Variants in TP63 observed in about 807,000 individuals in gnomAD.
TP63 encodes tumor protein 63.
In TP63, 17 loss-of-function variants were observed where a neutral mutation model predicts 82.8. The observed-to-expected ratio is 0.21, with a 90% confidence interval of 0.14 to 0.31. The LOEUF (loss-of-function observed/expected upper bound fraction) is 0.31, where lower values mean the gene tolerates loss of function less well. Ranked by LOEUF, TP63 falls within the 10% of genes least tolerant of loss-of-function variation. The pLI is 1.00. For missense variants in TP63, 648 were observed against 895.3 expected, an observed-to-expected ratio of 0.72 and a Z score of 3.52; for synonymous variants, 330 against 321.7, an observed-to-expected ratio of 1.03 and a Z score of -0.28.
intron 3 of TP63, among the ~76,000 whole-genome samples, chr3:189,773,882 A>G (rs1723560927): frequency 2.0e-5 from 3 of 151,280 alleles, no homozygotes; most frequent in Admixed American, 1.3e-4. Context: ...TTAGGAGGTA[A>G]GAGAACACAT....
intron 4 of TP63, chr3:189,830,116 G>C (rs1317707877): frequency 1.6e-5 from 3 of 187,204 alleles, no homozygotes; most frequent in Non-Finnish European, 3.8e-5. Context: ...TTTGGTGAGA[G>C]AGCATTGGAC....
intron 1 of TP63, among the ~76,000 whole-genome samples, chr3:189,701,678 A>C (rs1379819130): frequency 6.6e-6 from 1 of 151,898 alleles, no homozygotes; most frequent in Non-Finnish European, 1.5e-5. Flanking sequence ...TCAAAAATTC[A>C]CATGGTCCAA....
intron 9 of TP63, among the ~76,000 whole-genome samples, chr3:189,869,664 A>G (rs1359239664): frequency 2.7e-5 from 4 of 150,504 alleles, no homozygotes; most frequent in Admixed American, 6.6e-5. Flanking sequence ...GCAAACTGCC[A>G]TTTTCTCCTT....
chr3:189,702,906 A>C (rs1460500416), intron 1 of TP63, among the ~76,000 whole-genome samples: 1 of 152,246 alleles, frequency 6.6e-6, no homozygotes, highest in Non-Finnish European at 1.5e-5. Context: ...TCACATCATT[A>C]ACAACAGGTT....
At chr3:189,761,980 TG>T (rs1722621009) in intron 3 of TP63, among the ~76,000 whole-genome samples, 1 of 152,174 alleles carries the variant, frequency 6.6e-6, no homozygotes, top group South Asian at 2.1e-4. Flanking sequence ...CCTGCTCCCA[TG>T]ATTTAATTAC....
At chr3:189,782,698 ACACAT>A (rs1470095542) in intron 3 of TP63, among the ~76,000 whole-genome samples, 1 of 152,162 alleles carries the variant, frequency 6.6e-6, no homozygotes, top group Non-Finnish European at 1.5e-5. Context: ...AAGAAACTAA[ACACAT>A]CACTATTCAA....
At chr3:189,882,058 AAAAAAATCTT>A (rs1286672827) in intron 10 of TP63, among the ~76,000 whole-genome samples, 1 of 152,046 alleles carries the variant, frequency 6.6e-6, no homozygotes, top group East Asian at 1.9e-4. Flanking sequence ...TATTTCAGAA[AAAAAAATCTT>A]TATATTTGAG....
At chr3:189,620,294 G>A in the TP63 span, among the ~76,000 whole-genome samples, 1 of 152,102 alleles carries the variant, frequency 6.6e-6, no homozygotes, top group East Asian at 1.9e-4. Flanking sequence ...GGAGGCCAAG[G>A]CGGGCAGACC....
At chr3:189,864,541 C>CTTTTT (rs10714778) in intron 5 of TP63, 123 bp downstream of exon 5, 16 of 215,484 alleles carry the variant, frequency 7.4e-5, no homozygotes, top group African/African-American at 1.9e-4. Context: ...ATCAGTCTGC[C>CTTTTT]TTTTTTTTTT....
chr3:189,795,426 T>C (rs1341820537), intron 3 of TP63, among the ~76,000 whole-genome samples: 1 of 151,926 alleles, frequency 6.6e-6, no homozygotes, highest in African/African-American at 2.4e-5. Context: ...GTAAAAGATA[T>C]CCCAAGTTTT....
At chr3:189,712,406 T>TA (rs1718659418) in intron 1 of TP63, among the ~76,000 whole-genome samples, 1 of 152,162 alleles carries the variant, frequency 6.6e-6, no homozygotes, top group Non-Finnish European at 1.5e-5. Flanking sequence ...CTGGGTAACT[T>TA]ACAAACAATA....
chr3:189,709,679 CT>C (rs1290554797), intron 1 of TP63, among the ~76,000 whole-genome samples: 1 of 152,044 alleles, frequency 6.6e-6, no homozygotes, highest in African/African-American at 2.4e-5. Flanking sequence ...ATTACAGGTG[CT>C]TTTTACATTT....
intron 3 of TP63, chr3:189,789,730 G>GAGT (rs1724932603): frequency 1.6e-6 from 2 of 1,288,400 alleles, no homozygotes; most frequent in African/African-American, 2.8e-5. Context: ...TAAGGGTCTC[G>GAGT]GGGTGGGGGG....
chr3:189,611,578 T>G, the TP63 span, among the ~76,000 whole-genome samples: 1 of 152,232 alleles, frequency 6.6e-6, no homozygotes, highest in African/African-American at 2.4e-5. Context: ...ACATGATGCC[T>G]CCAGCTTTGT....
intron 1 of TP63, among the ~76,000 whole-genome samples, chr3:189,635,398 G>A (rs1044792602): frequency 3.3e-5 from 5 of 152,096 alleles, no homozygotes; most frequent in South Asian, 2.1e-4. Context: ...TGTGTTGGGC[G>A]TCCTTCACTT....
chr3:189,717,181 G>T (rs1011866539), intron 1 of TP63, among the ~76,000 whole-genome samples: 1 of 151,872 alleles, frequency 6.6e-6, no homozygotes, highest in African/African-American at 2.4e-5. Context: ...AAACAAATAT[G>T]TACACACACA....
rs191136524 is a variant in TP63, at chr3:189,752,773, A to G, written c.324+13999A>G. Among the ~76,000 whole-genome samples the G allele has an allele frequency of 5.3e-5, 8 of 152,012 alleles. No individual in the cohort carries two copies. The East Asian group carries it at 9.7e-4, about 18-fold the overall frequency. On this transcript the variant is annotated intron_variant, in intron 3 of 13. Coordinates refer to ENST00000264731, the MANE Select transcript of TP63 (RefSeq NM_003722.5). ...ATTATTGAGTTGAGATATCTTTTCT[A>G]ATGTTACCATTCATTGCTATAAGTT...
chr3:189,888,520 T>C (rs933388091), intron 11 of TP63, among the ~76,000 whole-genome samples: 1 of 152,210 alleles, frequency 6.6e-6, no homozygotes, highest in Admixed American at 6.5e-5. Flanking sequence ...GGTATGCTCT[T>C]TAGTTAGCTA....
At chr3:189,718,737 A>G (rs1468773193) in intron 1 of TP63, among the ~76,000 whole-genome samples, 2 of 152,128 alleles carry the variant, frequency 1.3e-5, no homozygotes, top group Admixed American at 1.3e-4. Flanking sequence ...AAGTTAGCCA[A>G]CTAATATAAG....
Sources: gnomAD v4.1 joint callset for allele counts (sites outside exome capture counted in the v4.1 genomes callset) on GRCh38, gnomAD v4.1.1 for gene constraint, MANE v1.5 for transcripts, NCBI Gene and HGNC (gene_info 2026-07-23, HGNC 2026-07-21) for gene names.